Variants in SCN10A observed in about 807,000 individuals in gnomAD.
SCN10A encodes sodium voltage-gated channel alpha subunit 10.
In SCN10A, 162 loss-of-function variants were observed where a neutral mutation model predicts 170.7. The observed-to-expected ratio is 0.95, with a 90% CI of 0.84 to 1.08. The LOEUF (loss-of-function observed/expected upper bound fraction) is 1.08. SCN10A is among the 50% of genes least tolerant of loss of function. SCN10A has a pLI of 0.00. For missense variants in SCN10A, 2,527 were observed against 2,436.9 expected (o/e 1.04, Z -0.78); for synonymous variants, 985 against 904.6 (o/e 1.09, Z -1.59).
chr3:38,802,498 T>A (rs951982126), intron 1 of SCN10A, among the ~76,000 whole-genome samples: 2 of 152,290 alleles, frequency 1.3e-5, no homozygotes, highest in African/African-American at 4.8e-5. Flanking sequence ...ACTTCATTAT[T>A]CTAGTAACTT....
intron 25 of SCN10A, among the ~76,000 whole-genome samples, chr3:38,708,502 G>A (rs1422945123): frequency 6.6e-6 from 1 of 152,060 alleles, no homozygotes; most frequent in Non-Finnish European, 1.5e-5. Context: ...CAGAACCCTG[G>A]GCAAGGATTT....
At chr3:38,795,959 C>T (rs1458408336) in intron 1 of SCN10A, among the ~76,000 whole-genome samples, 1 of 152,190 alleles carries the variant, frequency 6.6e-6, no homozygotes, top group East Asian at 1.9e-4. Context: ...TACTTAAACT[C>T]AGGTATGTTT....
rs540728015 is a variant in SCN10A at position 38,789,264 on chromosome 3, T to G, written c.390-228A>C. ...TACAGGTGGGTATAAATATCTACAT[T>G]TTGAAGCTGAGAAACAGGCTGACAA... On this transcript the variant is annotated intron_variant, in intron 3 of 27. Coordinates refer to ENST00000449082, the MANE Select transcript of SCN10A (RefSeq NM_006514.4). Among the ~76,000 whole-genome samples, 5 of 152,278 alleles carry G rather than the reference T, an allele frequency of 3.3e-5. No individual in the cohort carries two copies. In the East Asian group the frequency reaches 9.6e-4, roughly 29 times the overall value.
chr3:38,756,847 A>C lies in SCN10A; in HGVS notation c.1117T>G (p.Tyr373Asp). 6.2e-7 allele frequency: 1 copy of C among 1,614,226 alleles called. No homozygotes were observed. The highest frequency in any genetic ancestry group is 8.5e-7 in the Non-Finnish European group (1 of 1,180,042). ...QQTLRTSGKI[Y>D]MIFFVLVIFL... ...ATTACGAGCACAAAAAAGATCATAT[A>C]GATTTTCCCAGAAGTCCTCAGGGTC... is the stretch of plus-strand genomic sequence containing the variant. The change falls in exon 10 of 28, where the codon TAT becomes GAT. Residue 373 changes from tyrosine (Y) to aspartate (D), a missense_variant. Coordinates refer to ENST00000449082, the MANE Select transcript of SCN10A (RefSeq NM_006514.4).
chr3:38,814,849 C>T (rs1389045886), intron 1 of SCN10A, among the ~76,000 whole-genome samples: 1 of 152,196 alleles, frequency 6.6e-6, no homozygotes, highest in Non-Finnish European at 1.5e-5. Flanking sequence ...AGTTTAAAAG[C>T]AATTCATTTA....
chr3:38,722,527 A>G, intron 19 of SCN10A, 115 bp from the exon 20 acceptor site: 1 of 1,272,118 alleles, frequency 7.9e-7, no homozygotes, highest in Non-Finnish European at 1.1e-6. Flanking sequence ...GCCCTTGGAA[A>G]AAAATTCTTT....
intron 13 of SCN10A, among the ~76,000 whole-genome samples, chr3:38,746,934 C>A (rs1181066708): frequency 6.6e-6 from 1 of 152,198 alleles, no homozygotes; most frequent in Non-Finnish European, 1.5e-5. Context: ...AATTGTCAAA[C>A]TCCTGTTGGT....
intron 1 of SCN10A, among the ~76,000 whole-genome samples, chr3:38,802,829 C>T (rs1176128546): frequency 1.3e-5 from 2 of 152,052 alleles, no homozygotes; most frequent in Non-Finnish European, 1.5e-5. Flanking sequence ...AGCTTCTGCA[C>T]AGCAAAAGAA....
At chr3:38,736,361 C>CTGTGTGTG (rs68001863) in intron 15 of SCN10A, among the ~76,000 whole-genome samples, 6,534 of 139,330 alleles carry the variant, frequency 0.047, 208 homozygotes, top group Admixed American at 0.08. Flanking sequence ...TAGGGAAACT[C>CTGTGTGTG]TGTGTGTGTG....
chr3:38,756,802 G>A lies in SCN10A; in HGVS notation c.1162C>T (p.Leu388=). 2.5e-6 allele frequency: 4 copies of A among 1,614,160 alleles called. No individual in the cohort carries two copies. The highest frequency in any genetic ancestry group is 3.4e-6 in the Non-Finnish European group (4 of 1,180,016). Residue 388 remains leucine, a synonymous_variant, in exon 10 of 28, where the codon CTG becomes TTG. Transcript: ENST00000449082. Reference sequence around the variant, plus strand: ...ACTACAGCCAAGATCAAGTTGACCAGGTAGAAAGATCCCAGGAAGATTACG... The same window carrying A: ...ACTACAGCCAAGATCAAGTTGACCAAGTAGAAAGATCCCAGGAAGATTACG... The part of the protein sequence containing the change: ...VLVIFLGSFY[L]VNLILAVVTM...
intron 6 of SCN10A, among the ~76,000 whole-genome samples, chr3:38,761,837 TGAGAGAGAGA>T (rs772881421): frequency 4.1e-4 from 60 of 144,746 alleles, no homozygotes; most frequent in Non-Finnish European, 6.2e-4. Flanking sequence ...TGTGTGTGTG[TGAGAGAGAGA>T]GAGAGAGAGA....
chr3:38,771,284 G>A lies in SCN10A; in HGVS notation c.594C>T (p.Thr198=). The change falls in exon 5 of 28, where the codon ACC becomes ACT. Residue 198 remains threonine (T), a synonymous_variant. Coordinates refer to ENST00000449082, the MANE Select transcript of SCN10A (RefSeq NM_006514.4). ...PWNWLDFSVI[T]LAYVGTAIDL... is the part of the protein sequence containing the mutation. The stretch of plus-strand genomic sequence containing the variant: ...CTGCATAGAGATATACTCACGCCAG[G>A]GTAATGACGCTAAAATCCAGCCAGT... The A allele has an allele frequency of 6.2e-7, 1 of 1,613,880 alleles. No individual in the cohort carries two copies. Among genetic ancestry groups the A allele is most frequent in the African/African-American group, 1.3e-5 (1 of 75,018 alleles).
chr3:38,722,593 C>A (rs1229844132), intron 19 of SCN10A, among the ~76,000 whole-genome samples, 181 bp from the exon 20 acceptor site: 1 of 152,212 alleles, frequency 6.6e-6, no homozygotes, highest in Non-Finnish European at 1.5e-5. Context: ...TCCAGACCAA[C>A]AGGTGTTCCT....
chr3:38,778,092 A>G (rs2064097408), intron 4 of SCN10A, among the ~76,000 whole-genome samples: 1 of 152,110 alleles, frequency 6.6e-6, no homozygotes, highest in African/African-American at 2.4e-5. Context: ...ATATAAAATG[A>G]TAACAGTTCC....
intron 1 of SCN10A, among the ~76,000 whole-genome samples, chr3:38,813,379 A>G (rs927627009): frequency 5.3e-5 from 8 of 152,316 alleles, no homozygotes; most frequent in African/African-American, 1.9e-4. Flanking sequence ...CCTTGAATAA[A>G]TCACTAAAAC....
At position 38,806,007 on chromosome 3, in the gene SCN10A, G is replaced by A. The variant is rs151169989; in HGVS notation, c.-33+10030C>T. ...CCTAGTCTGGATTTGAGCTGACCGT[G>A]GTACTGAACAAGAGAGGAAGGAATG... is the stretch of plus-strand genomic sequence containing the variant. On this transcript the variant is annotated intron_variant, in intron 1 of 27. Coordinates refer to ENST00000449082, the MANE Select transcript of SCN10A (RefSeq NM_006514.4). 2.8e-3 allele frequency among the ~76,000 whole-genome samples: 433 copies of A among 152,258 alleles called. 3 individuals carry two copies. Among genetic ancestry groups the A allele is most frequent in the Middle Eastern group, 0.017 (5 of 294 alleles).
In SCN10A at chr3:38,795,341, C is replaced by CTTT. The variant is rs201748424; in HGVS notation, c.-32-1302_-32-1300dup. 2.3e-4 allele frequency among the ~76,000 whole-genome samples: 30 copies of CTTT among 127,866 alleles called. 2 individuals are homozygous for CTTT. The highest frequency in any genetic ancestry group is 4.5e-4 in the African/African-American group (15 of 33,100). The allele number at this position is 127,866 out of a possible 152,430, so 83.9% of individuals were successfully genotyped here. A position where few individuals can be genotyped will look rare whatever the true frequency, so the allele number is the denominator to read the frequency against. ...TTGTCTTTTTTGTTTTTTTCTTTTT[C>CTTT]TTTTTCTTTTTTTTTTTTTGAGACA... On this transcript the variant is annotated intron_variant, in intron 1 of 27. Transcript: ENST00000449082.
intron 12 of SCN10A, among the ~76,000 whole-genome samples, chr3:38,750,952 G>A (rs924041731): frequency 6.6e-6 from 1 of 152,168 alleles, no homozygotes; most frequent in Non-Finnish European, 1.5e-5. Context: ...TTAAGGCTCT[G>A]TTTTGGTGAT....
chr3:38,746,093 A>ATGTATC, intron 13 of SCN10A, among the ~76,000 whole-genome samples: 1 of 117,832 alleles, frequency 8.5e-6, no homozygotes, highest in East Asian at 2.8e-4. Context: ...ATATATATAT[A>ATGTATC]TATATATGCC....
Sources: allele counts gnomAD v4.1 joint callset (sites outside exome capture counted in the v4.1 genomes callset), GRCh38; gene constraint gnomAD v4.1.1; transcripts MANE v1.5; gene names NCBI Gene and HGNC (gene_info 2026-07-23, HGNC 2026-07-21).